LARGE1: variants seen among roughly 807,000 people sequenced by gnomAD.
The protein encoded by LARGE1 is xylosyl- and glucuronyltransferase LARGE1.
A neutral mutation model predicts 87.6 loss-of-function variants in LARGE1; 43 were observed. The ratio of observed to expected loss-of-function variants is 0.49; its 90% CI spans 0.38 to 0.63. The LOEUF (loss-of-function observed/expected upper bound fraction) is 0.63. Ranked by LOEUF, LARGE1 falls within the 30% of genes least tolerant of loss-of-function variation. The probability of loss-of-function intolerance (pLI) is 0.00; values close to 1 mark genes in which losing one functional copy is unlikely to be tolerated. For synonymous variants in LARGE1, 434 were observed against 394.6 expected, an observed-to-expected ratio of 1.10 and a Z score of -1.18; for missense variants, 802 against 1,000.2, an observed-to-expected ratio of 0.80 and a Z score of 2.67.
chr22:33,872,450 A>T (rs1430804741), intron 1 of LARGE1, among the ~76,000 whole-genome samples: 2 of 151,588 alleles, frequency 1.3e-5, no homozygotes, highest in African/African-American at 4.9e-5. Context: ...CTAAGAAAAT[A>T]CACAGCAGCT....
intron 2 of LARGE1, among the ~76,000 whole-genome samples, chr22:33,761,069 A>G (rs2084712119): frequency 6.6e-6 from 1 of 152,190 alleles, no homozygotes; most frequent in South Asian, 2.1e-4. Context: ...TGAATAGCTC[A>G]GTAATTTCTC....
intron 2 of LARGE1, among the ~76,000 whole-genome samples, chr22:33,661,886 T>C (rs998202883): frequency 6.6e-6 from 1 of 152,054 alleles, no homozygotes; most frequent in African/African-American, 2.4e-5. Context: ...GACTTTGATA[T>C]CCTTCTCTGT....
At chr22:33,109,352 T>C in the LARGE1 span, 2 of 152,078 alleles carry the variant, frequency 1.3e-5, no homozygotes, top group South Asian at 4.2e-4. Context: ...TCTGGCTCTG[T>C]TGTCCAGGCA....
At chr22:33,485,062 C>T (rs1187767704) in intron 6 of LARGE1, among the ~76,000 whole-genome samples, 1 of 151,478 alleles carries the variant, frequency 6.6e-6, no homozygotes, top group African/African-American at 2.4e-5. Context: ...CAGGTTCCCA[C>T]CACCACGCCC....
rs187380669 is a variant in LARGE1, at chr22:33,495,687, C to A, written c.788-63422G>T. Among the ~76,000 whole-genome samples the A allele has an allele frequency of 3.3e-5, 5 of 152,328 alleles. No individual in the cohort carries two copies. In the East Asian group the frequency reaches 9.7e-4, roughly 29 times the overall value. ...TGAGCCGAGATCACACCACTGCACT[C>A]CAGCCTGAGTCAGAGTGAGACTCTG... On this transcript the variant is annotated intron_variant, in intron 6 of 14. Transcript: ENST00000397394.
chr22:33,503,480 G>C (rs1463504746), intron 6 of LARGE1, among the ~76,000 whole-genome samples: 1 of 151,950 alleles, frequency 6.6e-6, no homozygotes, highest in Non-Finnish European at 1.5e-5. Context: ...TATGTACCAG[G>C]AGAATGAAAA....
chr22:33,747,381 C>A (rs546639575), intron 2 of LARGE1, among the ~76,000 whole-genome samples: 1 of 152,190 alleles, frequency 6.6e-6, no homozygotes, highest in South Asian at 2.1e-4. Context: ...TCCAGCCACC[C>A]AGACTCCTCC....
chr22:33,150,782 C>G, the LARGE1 span, among the ~76,000 whole-genome samples: 1 of 152,070 alleles, frequency 6.6e-6, no homozygotes, highest in African/African-American at 2.4e-5. Context: ...TATGTGTGGA[C>G]CCTCTGTTCT....
chr22:33,914,825 A>G (rs900025868), intron 1 of LARGE1, among the ~76,000 whole-genome samples: 4 of 152,168 alleles, frequency 2.6e-5, no homozygotes, highest in Non-Finnish European at 5.9e-5. Context: ...CAAGATCAGT[A>G]ACACACTAAT....
intron 11 of LARGE1, among the ~76,000 whole-genome samples, chr22:33,187,365 G>A (rs1368135552): frequency 1.3e-5 from 2 of 150,988 alleles, no homozygotes; most frequent in African/African-American, 2.4e-5. Context: ...AGAACATTAT[G>A]TGAAGTGAAA....
intron 13 of LARGE1, 141 bp downstream of exon 13, chr22:33,283,061 T>C: frequency 9.6e-7 from 1 of 1,041,706 alleles, no homozygotes; most frequent in East Asian, 2.4e-5. Context: ...GGACGTTGTC[T>C]GGAGAAAGCG....
At position 33,677,288 on chromosome 22, in the gene LARGE1, T is replaced by TA. The variant is rs779032764; in HGVS notation, c.107-26621dup. On this transcript the variant is annotated intron_variant, in intron 2 of 14. Coordinates refer to ENST00000397394, the MANE Select transcript of LARGE1 (RefSeq NM_133642.5). Reference sequence around the variant, plus strand: ...ATTCAGTCCACAGTCTTTCAGGAGTTAAAAAAAAAAAAAAAAAAAGAAAAG... The same window carrying TA: ...ATTCAGTCCACAGTCTTTCAGGAGTTAAAAAAAAAAAAAAAAAAAAGAAAAG... Among the ~76,000 whole-genome samples, 927 of 110,036 alleles carry TA rather than the reference T, an allele frequency of 8.4e-3. 7 individuals are homozygous for TA. Among genetic ancestry groups the TA allele is most frequent in the African/African-American group, 0.011 (360 of 32,714 alleles). 72.2% of individuals were successfully genotyped at this position (110,036 alleles called of 152,430 possible).
intron 6 of LARGE1, among the ~76,000 whole-genome samples, chr22:33,564,203 A>G (rs1201912853): frequency 2.6e-5 from 4 of 152,214 alleles, no homozygotes; most frequent in African/African-American, 9.7e-5. Context: ...GGAGAGGGGT[A>G]TTAAAATAAC....
At chr22:33,602,114 C>T (rs959767549) in intron 5 of LARGE1, among the ~76,000 whole-genome samples, 9 of 152,184 alleles carry the variant, frequency 5.9e-5, no homozygotes, top group African/African-American at 2.2e-4. Flanking sequence ...TTTTAAGAAG[C>T]TGTCATGTCG....
Position 33,587,526 on chromosome 22 carries a change from C to T in LARGE1, c.615+16909G>A, listed in dbSNP as rs182988541. Among the ~76,000 whole-genome samples, 244 of 152,032 alleles carry T rather than the reference C, an allele frequency of 1.6e-3. 1 individual carries two copies. The highest frequency in any genetic ancestry group is 5.5e-3 in the African/African-American group (230 of 41,504). On this transcript the variant is annotated intron_variant, in intron 5 of 14. Transcript: ENST00000397394. ...TACCATTTGCATTTTTTTGCGAGTT[C>T]CCTTATTCTTATTCTTTACCCATTT...
chr22:33,232,977 T>C lies in LARGE1; in HGVS notation c.1731-66145A>G, dbSNP rs58445854. 7.4e-3 allele frequency among the ~76,000 whole-genome samples: 1,133 copies of C among 152,322 alleles called. 3 individuals are homozygous for C. The highest frequency in any genetic ancestry group is 0.027 in the Middle Eastern group (8 of 294). Reference sequence around the variant, plus strand: ...TTGTGGCATTTCTGTGCCCCATTCATCATCTGGCCTGGGGGATTCCCGAAC... The same window carrying C: ...TTGTGGCATTTCTGTGCCCCATTCACCATCTGGCCTGGGGGATTCCCGAAC... On this transcript the variant is annotated intron_variant, in intron 11 of 11. Transcript: ENST00000608642.
intron 2 of LARGE1, among the ~76,000 whole-genome samples, chr22:33,651,896 G>T (rs756612829): frequency 2.0e-5 from 3 of 152,122 alleles, no homozygotes; most frequent in Non-Finnish European, 2.9e-5. Context: ...AGGCACGGCC[G>T]CGTGTGGTGG....
At chr22:33,444,228 G>A (rs2067600963) in intron 6 of LARGE1, among the ~76,000 whole-genome samples, 2 of 152,040 alleles carry the variant, frequency 1.3e-5, no homozygotes, top group African/African-American at 4.8e-5. Context: ...TTTTAACAGT[G>A]GATAACAGTA....
At chr22:33,104,302 G>T in the LARGE1 span, among the ~76,000 whole-genome samples, 1 of 152,174 alleles carries the variant, frequency 6.6e-6, no homozygotes, top group Non-Finnish European at 1.5e-5. Flanking sequence ...CAGAGCAAGA[G>T]TAAAGACAGA....
Sources: gnomAD v4.1 joint callset for allele counts (sites outside exome capture counted in the v4.1 genomes callset) on GRCh38, gnomAD v4.1.1 for gene constraint, MANE v1.5 for transcripts, NCBI Gene and HGNC (gene_info 2026-07-23, HGNC 2026-07-21) for gene names.